Variants in FOCAD observed in about 807,000 individuals in gnomAD.
FOCAD encodes the protein focadhesin.
Under a neutral mutation model 225.6 loss-of-function variants are expected in FOCAD, and 198 were observed. The observed-to-expected ratio is 0.88, with a 90% CI of 0.78 to 0.99. FOCAD has a LOEUF of 0.99. FOCAD is among the 50% of genes least tolerant of loss of function. FOCAD has a pLI of 0.00. For missense variants in FOCAD, 2,713 were observed against 2,123.6 expected, an observed-to-expected ratio of 1.28 and a Z score of -5.46; for synonymous variants, 897 against 755.0, an observed-to-expected ratio of 1.19 and a Z score of -3.08.
chr9:20,920,719 A>T (rs546891921), intron 24 of FOCAD, among the ~76,000 whole-genome samples: 4 of 152,006 alleles, frequency 2.6e-5, no homozygotes, highest in African/African-American at 4.8e-5. Context: ...AAGGTCAAAA[A>T]ACTGAACACC....
chr9:20,963,876 A>G (rs965004678), intron 35 of FOCAD, among the ~76,000 whole-genome samples: 1 of 152,044 alleles, frequency 6.6e-6, no homozygotes, highest in Non-Finnish European at 1.5e-5. Flanking sequence ...ATTACACCTG[A>G]TTTTGCCTTG....
At chr9:20,938,340 A>C (rs1228677370) in intron 28 of FOCAD, among the ~76,000 whole-genome samples, 7 of 152,148 alleles carry the variant, frequency 4.6e-5, no homozygotes, top group Non-Finnish European at 7.4e-5. Flanking sequence ...CAAATGTCCA[A>C]CAATGATAGA....
chr9:20,685,344 A>G (rs1247714753), intron 1 of FOCAD, among the ~76,000 whole-genome samples: 2 of 151,994 alleles, frequency 1.3e-5, no homozygotes, highest in Admixed American at 1.3e-4. Flanking sequence ...TAATTTTGAG[A>G]TTTTCCAGGA....
Position 20,781,857 on chromosome 9 carries a change from C to G in FOCAD, c.1125C>G (p.Pro375=), listed in dbSNP as rs1563983244. Residue 375 remains proline (P), a synonymous_variant, in exon 10 of 44, where the codon CCC becomes CCG. Transcript: ENST00000338382. ...GTATATCTGTGGATGAAGAAGGTCC[C>G]TCTAGGCAGCAGTTGGCTCTAAACC... ...EDCISVDEEG[P]SRQQLALNLL... is the part of the protein sequence containing the mutation. 1 of 1,614,112 alleles carries G rather than the reference C, an allele frequency of 6.2e-7. No individual in the cohort carries two copies. Among genetic ancestry groups the G allele is most frequent in the Non-Finnish European group, 8.5e-7 (1 of 1,179,982 alleles).
At position 20,720,506 on chromosome 9, in the gene FOCAD, G is replaced by A. The variant is rs1269880344; in HGVS notation, c.259G>A (p.Gly87Arg). 2.5e-6 allele frequency: 4 copies of A among 1,613,828 alleles called. No individual in the cohort carries two copies. The highest frequency in any genetic ancestry group is 3.4e-6 in the Non-Finnish European group (4 of 1,179,924). ...TGCAGAGTTCAGCTATGTTCTCAAT[G>A]GGATACTCAACTTGATTCCATCAAC... The part of the protein sequence containing the change: ...DHAEFSYVLN[G>R]ILNLIPSTRN... The change falls in exon 4 of 44, where the codon GGG becomes AGG. Residue 87 changes from glycine to arginine, a missense_variant. Coordinates refer to ENST00000338382, the MANE Select transcript of FOCAD (RefSeq NM_001375567.1).
At chr9:20,905,972 AATAG>A (rs561340910) in intron 21 of FOCAD, among the ~76,000 whole-genome samples, 507 of 151,110 alleles carry the variant, frequency 3.4e-3, no homozygotes, top group Non-Finnish European at 5.8e-3. Context: ...CATGAGAAGT[AATAG>A]ATAGCAGTAA....
At chr9:20,777,304 GTTTTT>G (rs35710134) in intron 8 of FOCAD, among the ~76,000 whole-genome samples, 1 of 110,860 alleles carries the variant, frequency 9.0e-6, no homozygotes, top group Non-Finnish European at 1.8e-5. Flanking sequence ...TTTCCTGTGG[GTTTTT>G]TTTTTTTTTT....
chr9:20,679,170 TG>T (rs1822325215), intron 2 of FOCAD, among the ~76,000 whole-genome samples: 2 of 124,988 alleles, frequency 1.6e-5, no homozygotes, highest in Admixed American at 7.9e-5. Flanking sequence ...TGTGTGTGTG[TG>T]TTGGGGATGG....
intron 5 of FOCAD, among the ~76,000 whole-genome samples, chr9:20,741,768 C>T (rs555092281): frequency 6.8e-6 from 1 of 146,186 alleles, no homozygotes; most frequent in South Asian, 2.1e-4. Context: ...ATTGAACCTG[C>T]AGAGTAAATG....
At chr9:20,891,766 A>G (rs939006405) in intron 21 of FOCAD, among the ~76,000 whole-genome samples, 15 of 152,230 alleles carry the variant, frequency 9.9e-5, no homozygotes, top group African/African-American at 2.7e-4. Flanking sequence ...AGCTGCAGCA[A>G]GTTATCCAGA....
At chr9:20,992,100 T>C (rs563143511) in intron 42 of FOCAD, among the ~76,000 whole-genome samples, 2 of 152,340 alleles carry the variant, frequency 1.3e-5, no homozygotes, top group South Asian at 2.1e-4. Context: ...CTAAAATGCC[T>C]ATTACCTATC....
intron 4 of FOCAD, among the ~76,000 whole-genome samples, chr9:20,739,427 A>G (rs1827417411): frequency 6.6e-6 from 1 of 152,102 alleles, no homozygotes; most frequent in Non-Finnish European, 1.5e-5. Flanking sequence ...AACATGGTGA[A>G]ACCTTGTCTC....
At chr9:20,874,522 G>T in intron 18 of FOCAD, 159 bp from the exon 19 acceptor site, 1 of 645,358 alleles carries the variant, frequency 1.5e-6, no homozygotes, top group Non-Finnish European at 2.5e-6. Flanking sequence ...TCTAAAAAAT[G>T]AATAGATTTT....
At chr9:20,666,202 C>G (rs535072528) in intron 2 of FOCAD, among the ~76,000 whole-genome samples, 1 of 152,256 alleles carries the variant, frequency 6.6e-6, no homozygotes, top group South Asian at 2.1e-4. Context: ...ATTGTTTAAA[C>G]TATTTACCCA....
intron 25 of FOCAD, among the ~76,000 whole-genome samples, chr9:20,925,868 G>A (rs1057098920): frequency 6.6e-6 from 1 of 152,200 alleles, no homozygotes; most frequent in African/African-American, 2.4e-5. Flanking sequence ...AGAAATGCTA[G>A]AGATGTTGAT....
chr9:20,868,031 A>C (rs1166919267), intron 18 of FOCAD, among the ~76,000 whole-genome samples: 1 of 152,128 alleles, frequency 6.6e-6, no homozygotes, highest in Non-Finnish European at 1.5e-5. Context: ...AGGACTTACA[A>C]AGATAGATTG....
At chr9:20,934,251 C>G (rs1835747684) in intron 28 of FOCAD, among the ~76,000 whole-genome samples, 1 of 152,026 alleles carries the variant, frequency 6.6e-6, no homozygotes, top group African/African-American at 2.4e-5. Flanking sequence ...ACTGCATTTG[C>G]TTTTTGGTTC....
At chr9:20,714,018 A>G (rs760304951) in intron 1 of FOCAD, among the ~76,000 whole-genome samples, 3 of 152,240 alleles carry the variant, frequency 2.0e-5, no homozygotes, top group Non-Finnish European at 4.4e-5. Flanking sequence ...TAGATGTCGA[A>G]GAAAAATACC....
chr9:20,774,450 T>G (rs955358911), intron 8 of FOCAD, among the ~76,000 whole-genome samples: 15 of 152,182 alleles, frequency 9.9e-5, no homozygotes, highest in African/African-American at 2.9e-4. Context: ...CCTTCTCCAT[T>G]TATTAGCTGG....
Sources: allele counts gnomAD v4.1 joint callset (sites outside exome capture counted in the v4.1 genomes callset), GRCh38; gene constraint gnomAD v4.1.1; transcripts MANE v1.5; gene names NCBI Gene and HGNC (gene_info 2026-07-23, HGNC 2026-07-21).